Variants in HDC observed in about 807,000 individuals in gnomAD.
The protein encoded by HDC is histidine decarboxylase.
HDC carries 27 observed loss-of-function variants against 64.4 expected under a neutral mutation model. The ratio of observed to expected loss-of-function variants is 0.42; its 90% CI spans 0.31 to 0.58. The LOEUF (loss-of-function observed/expected upper bound fraction) is 0.58, where lower values mean the gene tolerates loss of function less well. Among genes scored for constraint, HDC ranks in the 20% least tolerant of loss-of-function variants. The pLI, the probability that HDC is intolerant of heterozygous loss-of-function variation, is 0.16. For missense variants in HDC, 711 were observed against 833.9 expected (o/e 0.85, Z 1.81); for synonymous variants, 305 against 314.2 (o/e 0.97, Z 0.31).
chr15:50,264,734 A>G (rs1197846412), intron 1 of HDC, among the ~76,000 whole-genome samples: 1 of 152,168 alleles, frequency 6.6e-6, no homozygotes, highest in African/African-American at 2.4e-5. Flanking sequence ...AACCAACCCC[A>G]GACAAAACTT....
chr15:50,258,488 G>T lies in HDC; in HGVS notation c.234C>A (p.His78Gln). The T allele has an allele frequency of 1.9e-6, 3 of 1,613,086 alleles. No individual in the cohort carries two copies. Among genetic ancestry groups the T allele is most frequent in the Non-Finnish European group, 2.5e-6 (3 of 1,179,158 alleles). The change falls in exon 3 of 12, where the codon CAC (histidine) becomes CAA (glutamine). Residue 78 changes from histidine to glutamine, a missense_variant. This residue lies in a region of HDC where 225 missense variants were observed against 276.2 expected (regional missense o/e 0.81). Coordinates refer to ENST00000267845, the MANE Select transcript of HDC (RefSeq NM_002112.4). ...GVVHWQSPHM[H>Q]AYYPALTSWP... is the part of the protein sequence containing the mutation. Reference sequence around the variant, plus strand: ...AAGAGGTGAGGGCTGGGTAGTAGGCGTGCATATGGGGGCTCTGCCAATGTA... The same window carrying T: ...AAGAGGTGAGGGCTGGGTAGTAGGCTTGCATATGGGGGCTCTGCCAATGTA...
At chr15:50,263,148 T>G (rs2045725684) in intron 2 of HDC, 87 bp downstream of exon 2, 1 of 1,391,392 alleles carries the variant, frequency 7.2e-7, no homozygotes, top group Non-Finnish European at 1.0e-6. Context: ...CATCCCAAGC[T>G]GACCCAAAGC....
chr15:50,264,345 C>T (rs1052004605), intron 1 of HDC, among the ~76,000 whole-genome samples: 3 of 152,050 alleles, frequency 2.0e-5, no homozygotes, highest in African/African-American at 7.2e-5. Flanking sequence ...ACCATGGATC[C>T]AGACCAAGCC....
At chr15:50,244,985 C>T (rs2238294) in intron 10 of HDC, 6,984 of 152,282 alleles carry the variant, frequency 0.046, 481 homozygotes, top group African/African-American at 0.15. Flanking sequence ...TCCCAAGGTA[C>T]AAGTGACAGT....
Position 50,261,574 on chromosome 15 carries a change from A to C in HDC, c.204+1661T>G, listed in dbSNP as rs557034688. Among the ~76,000 whole-genome samples, 24 of 145,466 alleles carry C rather than the reference A, an allele frequency of 1.6e-4. No individual in the cohort carries two copies. In the East Asian group the frequency reaches 4.6e-3, roughly 28 times the overall value. The stretch of plus-strand genomic sequence containing the variant: ...GGCAGGAGGATCACTTGAGCCCAGG[A>C]GTTGGAGACCAGCTTGGGCAACATA... On this transcript the variant is annotated intron_variant, in intron 2 of 11. Coordinates refer to ENST00000267845, the MANE Select transcript of HDC (RefSeq NM_002112.4).
chr15:50,254,255 T>C lies in HDC; in HGVS notation c.595A>G (p.Lys199Glu). Residue 199 changes from lysine to glutamate, a missense_variant, in exon 6 of 12, where the codon AAG (lysine) becomes GAG (glutamate). By Grantham distance (56) the Lys-to-Glu change is moderately conservative. This residue lies in a region of HDC where 225 missense variants were observed against 276.2 expected (regional missense o/e 0.81). Transcript: ENST00000267845. Reference protein sequence around the residue: ...ASDQAHSSVEKAGLISLVKMK... With the variant: ...ASDQAHSSVEEAGLISLVKMK... ...TTCACAAGGGAAATCAAACCAGCCTTTTCCACAGAGGAGTGAGCCTAGAAG... is the reference window on the plus strand; with the variant it reads ...TTCACAAGGGAAATCAAACCAGCCTCTTCCACAGAGGAGTGAGCCTAGAAG... The C allele has an allele frequency of 6.2e-7, 1 of 1,614,146 alleles. No individual in the cohort carries two copies. Among genetic ancestry groups the C allele is most frequent in the Non-Finnish European group, 8.5e-7 (1 of 1,180,028 alleles).
chr15:50,252,869 A>T (rs2045576982), intron 7 of HDC, 95 bp from the exon 8 acceptor site: 3 of 1,297,730 alleles, frequency 2.3e-6, no homozygotes, highest in Non-Finnish European at 3.2e-6. Flanking sequence ...TGCAAGGATG[A>T]TGTGCTTTGG....
rs776953692 is a variant in HDC at position 50,243,240 on chromosome 15, G to A, written c.1145C>T (p.Thr382Ile). The A allele has an allele frequency of 5.0e-5, 80 of 1,599,728 alleles. No homozygotes were observed. The Admixed American group carries it at 6.7e-4, about 13-fold the overall frequency. ...AGATTCAAAATATTTAGCCATTTCA[G>A]TACCCTGGAATTGCAAGTATAAAGA... Reference protein sequence around the residue: ...KNLQAHVRHGTEMAKYFESLV... With the variant: ...KNLQAHVRHGIEMAKYFESLV... Residue 382 changes from threonine to isoleucine, a missense_variant, in exon 11 of 12, where the codon ACT becomes ATT. Coordinates refer to ENST00000267845, the MANE Select transcript of HDC (RefSeq NM_002112.4).
In HDC at chr15:50,252,716, C is replaced by T; in HGVS notation, c.846G>A (p.Leu282=). 1 of 1,614,070 alleles carries T rather than the reference C, an allele frequency of 6.2e-7. No homozygotes were observed. Among genetic ancestry groups the T allele is most frequent in the Non-Finnish European group, 8.5e-7 (1 of 1,180,026 alleles). The change falls in exon 8 of 12, where the codon CTG becomes CTA. Residue 282 remains leucine, a synonymous_variant. Coordinates refer to ENST00000267845, the MANE Select transcript of HDC (RefSeq NM_002112.4). The part of the protein sequence containing the change: ...IDAAYAGTAF[L]CPEFRGFLKG... ...TCAGAAACCCCCGGAACTCGGGGCA[C>T]AGGAAGGCAGTGCCTGCATAAGCAG...
At chr15:50,253,708 C>T (rs1456872548) in intron 6 of HDC, 42 bp from the exon 7 acceptor site, 5 of 1,520,384 alleles carry the variant, frequency 3.3e-6, no homozygotes, top group East Asian at 4.5e-5. Context: ...AGGGTGGGCT[C>T]GTGTGACACA....
At chr15:50,263,524 G>A (rs578189792) in intron 1 of HDC, 117 bp from the exon 2 acceptor site, 26 of 945,938 alleles carry the variant, frequency 2.7e-5, no homozygotes, top group Admixed American at 9.9e-5. Flanking sequence ...GGATTTGGCC[G>A]GGCACAGTGG....
intron 2 of HDC, among the ~76,000 whole-genome samples, chr15:50,260,378 A>G (rs1439726401): frequency 6.6e-6 from 1 of 152,132 alleles, no homozygotes; most frequent in African/African-American, 2.4e-5. Flanking sequence ...TACAGACCCC[A>G]TAAGACCAGG....
Position 50,257,458 on chromosome 15 carries a change from G to C in HDC, c.408C>G (p.His136Gln). The C allele has an allele frequency of 1.9e-6, 3 of 1,614,246 alleles. No homozygotes were observed. The South Asian group carries it at 3.3e-5, about 18-fold the overall frequency. ...CGCCTCCGCCCTGGCTGCTGGGGTGGTGGTGCAAGAAGTGCTCTGGAAGTC... is the reference window on the plus strand; with the variant it reads ...CGCCTCCGCCCTGGCTGCTGGGGTGCTGGTGCAAGAAGTGCTCTGGAAGTC... ...MLGLPEHFLH[H>Q]HPSSQGGGVL... is the part of the protein sequence containing the mutation. The change falls in exon 4 of 12, where the codon CAC becomes CAG. Residue 136 changes from histidine (H) to glutamine (Q), a missense_variant. By Grantham distance (24) the His-to-Gln change is conservative. This residue lies in a region of HDC where 225 missense variants were observed against 276.2 expected (regional missense o/e 0.81). Coordinates refer to ENST00000267845, the MANE Select transcript of HDC (RefSeq NM_002112.4).
intron 10 of HDC, among the ~76,000 whole-genome samples, chr15:50,243,993 A>G (rs2045442008): frequency 6.6e-6 from 1 of 152,238 alleles, no homozygotes; most frequent in Non-Finnish European, 1.5e-5. Flanking sequence ...AAAATGGTAC[A>G]TTCTATGGTA....
rs1595697302 is a variant in HDC, at chr15:50,242,170, A to G, written c.*90T>C. ...AACTCGCCCCAAGAAAAATGCATGT[A>G]CACATAAGCACACAAAGTTGGCATA... On this transcript the variant is annotated 3_prime_UTR_variant, in exon 12 of 12. Coordinates refer to ENST00000267845, the MANE Select transcript of HDC (RefSeq NM_002112.4). 5 of 1,076,122 alleles carry G rather than the reference A, an allele frequency of 4.6e-6. No individual in the cohort carries two copies. Among genetic ancestry groups the G allele is most frequent in the South Asian group, 1.3e-5 (1 of 79,286 alleles). 66.7% of individuals were successfully genotyped at this position (1,076,122 alleles called of 1,614,324 possible). A position where few individuals can be genotyped will look rare whatever the true frequency, so the allele number is the denominator to read the frequency against.
chr15:50,258,439 G>A lies in HDC; in HGVS notation c.283C>T (p.Leu95=), dbSNP rs780891675. The part of the protein sequence containing the change: ...TSWPSLLGDM[L]ADAINCLGFT... ...CCCAAGCAGTTGATGGCATCAGCCAGCATGTCTCCTAGCAGGGAGGGCCAA... is the reference window on the plus strand; with the variant it reads ...CCCAAGCAGTTGATGGCATCAGCCAACATGTCTCCTAGCAGGGAGGGCCAA... The change falls in exon 3 of 12, where the codon CTG becomes TTG. Residue 95 remains leucine, a synonymous_variant. Coordinates refer to ENST00000267845, the MANE Select transcript of HDC (RefSeq NM_002112.4). 41 of 1,613,322 alleles carry A rather than the reference G, an allele frequency of 2.5e-5. 1 individual carries two copies. In the South Asian group the frequency reaches 4.5e-4, roughly 18 times the overall value.
At chr15:50,243,035 T>G (rs746736805) in intron 11 of HDC, 29 bp from the exon 12 acceptor site, 2 of 1,614,100 alleles carry the variant, frequency 1.2e-6, no homozygotes, top group Admixed American at 1.7e-5. Context: ...AAGTGAAGTC[T>G]CCATCGCACC....
Position 50,241,967 on chromosome 15 carries a change from T to C in HDC, c.*293A>G, listed in dbSNP as rs1325429462. On this transcript the variant is annotated 3_prime_UTR_variant, in exon 12 of 12. Coordinates refer to ENST00000267845, the MANE Select transcript of HDC (RefSeq NM_002112.4). ...GTATGTTTTGTTTCAGGGACAAGCA[T>C]AATTTATTTCTGTGTTATATATCAT... 1.2e-5 allele frequency: 6 copies of C among 485,946 alleles called. No individual in the cohort carries two copies. The South Asian group carries it at 1.3e-4, about 11-fold the overall frequency. The allele number at this position is 485,946 out of a possible 1,614,324, so 30.1% of individuals were successfully genotyped here.
chr15:50,258,449 T>C lies in HDC; in HGVS notation c.273A>G (p.Leu91=), dbSNP rs747769486. ...TGATGGCATCAGCCAGCATGTCTCCTAGCAGGGAGGGCCAAGAGGTGAGGG... is the reference window on the plus strand; with the variant it reads ...TGATGGCATCAGCCAGCATGTCTCCCAGCAGGGAGGGCCAAGAGGTGAGGG... ...YPALTSWPSL[L]GDMLADAINC... Residue 91 remains leucine (L), a synonymous_variant, in exon 3 of 12, where the codon CTA becomes CTG. Transcript: ENST00000267845. 12 of 1,613,846 alleles carry C rather than the reference T, an allele frequency of 7.4e-6. No homozygotes were observed. The East Asian group carries it at 1.8e-4, about 24-fold the overall frequency.
Sources: gnomAD v4.1 joint callset for allele counts (sites outside exome capture counted in the v4.1 genomes callset) on GRCh38, gnomAD v4.1.1 for gene constraint, gnomAD v4.1.1 regional missense constraint, MANE v1.5 for transcripts, NCBI Gene and HGNC (gene_info 2026-07-23, HGNC 2026-07-21) for gene names.